GPR141: variants seen among roughly 807,000 people sequenced by gnomAD.
GPR141 encodes probable G protein-coupled receptor 141.
A neutral mutation model predicts 6.8 loss-of-function variants in GPR141; 6 were observed. The ratio of observed to expected loss-of-function variants is 0.88; its 90% confidence interval spans 0.48 to 1.74. GPR141 has a LOEUF of 1.74. Ranked by LOEUF, GPR141 falls within the 40% of genes most tolerant of loss-of-function variation. GPR141 has a pLI of 0.01. For synonymous variants in GPR141, 140 were observed against 142.3 expected (o/e 0.98, Z 0.11); for missense variants, 372 against 372.9 (o/e 1.00, Z 0.02).
chr7:37,722,770 A>G (rs1357677997), intron 2 of GPR141, among the ~76,000 whole-genome samples: 1 of 151,720 alleles, frequency 6.6e-6, no homozygotes, highest in East Asian at 1.9e-4. Flanking sequence ...GTACTTTGGT[A>G]TTATACATTA....
chr7:37,709,045 TA>T (rs1263204180), intron 2 of GPR141, among the ~76,000 whole-genome samples: 1 of 152,226 alleles, frequency 6.6e-6, no homozygotes, highest in African/African-American at 2.4e-5. Flanking sequence ...TGAGTGCATC[TA>T]AGACTGTTTT....
intron 1 of GPR141, among the ~76,000 whole-genome samples, chr7:37,684,962 A>G (rs1308047386): frequency 6.6e-6 from 1 of 152,232 alleles, no homozygotes; most frequent in African/African-American, 2.4e-5. Context: ...ATATTGTCTA[A>G]GGATTCCAGA....
rs1026959768 is a variant in GPR141 at position 37,706,860 on chromosome 7, C to G, written c.-15+21277C>G. 1.6e-4 allele frequency among the ~76,000 whole-genome samples: 25 copies of G among 152,304 alleles called. 1 individual carries two copies. In the East Asian group the frequency reaches 3.5e-3, roughly 21 times the overall value. On this transcript the variant is annotated intron_variant, in intron 2 of 2. Transcript: ENST00000334425. ...AAATCGTAATGATTGACCAGAGACC[C>G]TTGCAAATAGCCTGGGCATGGACAA... is the stretch of plus-strand genomic sequence containing the variant.
At chr7:37,732,897 C>G (rs1812042533) in intron 2 of GPR141, among the ~76,000 whole-genome samples, 1 of 152,108 alleles carries the variant, frequency 6.6e-6, no homozygotes, top group South Asian at 2.1e-4. Flanking sequence ...GAGATGTAGT[C>G]ACAGGAAAGT....
At chr7:37,686,380 T>G (rs1809514256) in intron 2 of GPR141, among the ~76,000 whole-genome samples, 1 of 152,168 alleles carries the variant, frequency 6.6e-6, no homozygotes, top group South Asian at 2.1e-4. Context: ...TTGCAAAGTG[T>G]TTTCAAAGCT....
At chr7:37,729,086 C>A (rs965887621) in intron 2 of GPR141, among the ~76,000 whole-genome samples, 4 of 152,056 alleles carry the variant, frequency 2.6e-5, no homozygotes, top group South Asian at 2.1e-4. Context: ...CAGCTCGAGG[C>A]TGAAGGAAGG....
chr7:37,722,221 CAT>C (rs1445057383), intron 2 of GPR141, among the ~76,000 whole-genome samples: 2 of 152,104 alleles, frequency 1.3e-5, no homozygotes, highest in Non-Finnish European at 2.9e-5. Flanking sequence ...AAGTTAGAAA[CAT>C]AACATCATTG....
intron 2 of GPR141, among the ~76,000 whole-genome samples, chr7:37,701,126 C>T (rs1810260405): frequency 6.6e-6 from 1 of 152,098 alleles, no homozygotes; most frequent in South Asian, 2.1e-4. Context: ...AACTTGGGGA[C>T]AATACATCTT....
intron 2 of GPR141, among the ~76,000 whole-genome samples, chr7:37,733,526 G>T (rs943862870): frequency 6.6e-6 from 1 of 151,932 alleles, no homozygotes; most frequent in Non-Finnish European, 1.5e-5. Context: ...CAAAAAATAA[G>T]CCAGGTGTGG....
At chr7:37,722,215 T>TAGA (rs1811361125) in intron 2 of GPR141, among the ~76,000 whole-genome samples, 2 of 152,156 alleles carry the variant, frequency 1.3e-5, no homozygotes, top group African/African-American at 4.8e-5. Flanking sequence ...AACAATAAGT[T>TAGA]AGAAACATAA....
At chr7:37,722,908 A>G (rs1811408146) in intron 2 of GPR141, among the ~76,000 whole-genome samples, 1 of 149,528 alleles carries the variant, frequency 6.7e-6, no homozygotes, top group African/African-American at 2.5e-5. Context: ...ATTCTGTTCT[A>G]ATTTTTCTTT....
chr7:37,738,275 A>C (rs577996749), intron 2 of GPR141, among the ~76,000 whole-genome samples: 1 of 152,334 alleles, frequency 6.6e-6, no homozygotes, highest in African/African-American at 2.4e-5. Context: ...GGCAACGATC[A>C]TGGCAGTTTA....
At chr7:37,739,436 C>T (rs1488306025) in intron 2 of GPR141, among the ~76,000 whole-genome samples, 1 of 152,128 alleles carries the variant, frequency 6.6e-6, no homozygotes, top group Admixed American at 6.6e-5. Context: ...AATCTTGTCT[C>T]AAGGGATCAG....
intron 2 of GPR141, among the ~76,000 whole-genome samples, chr7:37,728,874 G>T (rs576748111): frequency 6.6e-6 from 1 of 152,314 alleles, no homozygotes; most frequent in African/African-American, 2.4e-5. Flanking sequence ...GGTATGTCAG[G>T]TCAGCTAATA....
Position 37,740,759 on chromosome 7 carries a change from CAA to C in GPR141, c.368_369del (p.Lys123SerfsTer36), listed in dbSNP as rs1252508261. 6 of 1,614,100 alleles carry C rather than the reference CAA, an allele frequency of 3.7e-6. No individual in the cohort carries two copies. The highest frequency in any genetic ancestry group is 4.2e-6 in the Non-Finnish European group (5 of 1,179,992). ...RYLIFFKCKDKVEFYRKLHAV... is the reference protein window; with the variant it reads ...RYLIFFKCKDXVEFYRKLHAV... The stretch of plus-strand genomic sequence containing the variant: ...ACCTCATCTTCTTCAAGTGCAAAGA[CAA>C]AGTGGAATTCTACAGAAAACTGCAT... On this transcript the variant is annotated frameshift_variant, in exon 3 of 3. Coordinates refer to ENST00000334425, the MANE Select transcript of GPR141 (RefSeq NM_001381946.1). LOFTEE classifies it low-confidence loss of function (END_TRUNC).
In GPR141 at chr7:37,697,920, G is replaced by A. The variant is rs532441175; in HGVS notation, c.-15+12337G>A. 1.0e-3 allele frequency among the ~76,000 whole-genome samples: 155 copies of A among 152,270 alleles called. 1 individual carries two copies. The highest frequency in any genetic ancestry group is 3.3e-3 in the South Asian group (16 of 4,820). On this transcript the variant is annotated intron_variant, in intron 2 of 2. Transcript: ENST00000334425. ...AATACCAAGGACATAACTAACAGCC[G>A]ATCTGAGGGCTTAAGTTTAAGAGAA...
At chr7:37,687,648 A>G (rs578232763) in intron 2 of GPR141, among the ~76,000 whole-genome samples, 2 of 152,234 alleles carry the variant, frequency 1.3e-5, no homozygotes, top group African/African-American at 2.4e-5. Flanking sequence ...TTATGATCCA[A>G]GGTCTCACTT....
intron 1 of GPR141, among the ~76,000 whole-genome samples, chr7:37,684,728 C>T (rs1809422577): frequency 6.6e-6 from 1 of 152,158 alleles, no homozygotes; most frequent in Admixed American, 6.5e-5. Flanking sequence ...ACTTAATTCT[C>T]TGGACTTCAG....
At chr7:37,706,366 G>A (rs1159334036) in intron 2 of GPR141, among the ~76,000 whole-genome samples, 1 of 152,184 alleles carries the variant, frequency 6.6e-6, no homozygotes, top group East Asian at 1.9e-4. Flanking sequence ...AAAATTCAGA[G>A]CACTGTTGTA....
Sources: gnomAD v4.1 joint callset for allele counts (sites outside exome capture counted in the v4.1 genomes callset) on GRCh38, gnomAD v4.1.1 for gene constraint, MANE v1.5 for transcripts, NCBI Gene and HGNC (gene_info 2026-07-23, HGNC 2026-07-21) for gene names.